MYOM1: variants seen among roughly 807,000 people sequenced by gnomAD.
The protein encoded by MYOM1 is myomesin-1.
A neutral mutation model predicts 205.3 loss-of-function variants in MYOM1; 164 were observed. That is an observed-to-expected ratio of 0.80 (90% CI 0.70 to 0.91). MYOM1 has a LOEUF of 0.91. Among genes scored for constraint, MYOM1 ranks in the 40% least tolerant of loss-of-function variants. The pLI is 0.00. For missense variants in MYOM1, 2,011 were observed against 2,127.3 expected (o/e 0.95, Z 1.08); for synonymous variants, 772 against 789.4 (o/e 0.98, Z 0.37).
chr18:3,157,477 A>G (rs1372587592), intron 10 of MYOM1, among the ~76,000 whole-genome samples: 1 of 151,956 alleles, frequency 6.6e-6, no homozygotes, highest in Non-Finnish European at 1.5e-5. Flanking sequence ...TAGGAATTCA[A>G]GAGCAGCCTG....
At chr18:3,172,137 T>C (rs1342918108) in intron 8 of MYOM1, among the ~76,000 whole-genome samples, 3 of 152,168 alleles carry the variant, frequency 2.0e-5, no homozygotes, top group African/African-American at 7.2e-5. Flanking sequence ...TGTTAACTAT[T>C]AGAAAAAAAG....
Position 3,193,888 on chromosome 18 carries a change from G to C in MYOM1, c.361C>G (p.His121Asp). 1 of 1,613,884 alleles carries C rather than the reference G, an allele frequency of 6.2e-7. No individual in the cohort carries two copies. Among genetic ancestry groups the C allele is most frequent in the Non-Finnish European group, 8.5e-7 (1 of 1,179,824 alleles). Reference sequence around the variant, plus strand: ...TTCTCTTCTCCAGACAGTAGGCTGTGCTTGGCTCTCTTTGGTTTGGGGCTC... The same window carrying C: ...TTCTCTTCTCCAGACAGTAGGCTGTCCTTGGCTCTCTTTGGTTTGGGGCTC... ...KLSPKPKRAK[H>D]SLLSGEEKEN... The change falls in exon 3 of 38, where the codon CAC (histidine) becomes GAC (aspartate). Residue 121 changes from histidine (H) to aspartate (D), a missense_variant. Physicochemically the swap from His to Asp is moderately conservative, Grantham distance 81. Coordinates refer to ENST00000356443, the MANE Select transcript of MYOM1 (RefSeq NM_003803.4).
intron 21 of MYOM1, 128 bp from the exon 22 acceptor site, chr18:3,112,540 G>C (rs1249912900): frequency 1.7e-6 from 1 of 590,604 alleles, no homozygotes; most frequent in Non-Finnish European, 2.8e-6. Flanking sequence ...TACAAGACTT[G>C]TGGTCTAGAT....
At position 3,198,068 on chromosome 18, in the gene MYOM1, A is replaced by C. The variant is rs566186868; in HGVS notation, c.291-4110T>G. On this transcript the variant is annotated intron_variant, in intron 2 of 37. Transcript: ENST00000356443. ...AAATCATCAGTTACAGCTAAAAATAAAGCACAAAAAAAAACTCATTAAACT... is the reference window on the plus strand; with the variant it reads ...AAATCATCAGTTACAGCTAAAAATACAGCACAAAAAAAAACTCATTAAACT... 8.9e-3 allele frequency among the ~76,000 whole-genome samples: 1,268 copies of C among 143,136 alleles called. 25 individuals carry two copies. The highest frequency in any genetic ancestry group is 0.032 in the African/African-American group (1,197 of 37,572). The allele number at this position is 143,136 out of a possible 152,430, so 93.9% of individuals were successfully genotyped here. A position where few individuals can be genotyped will look rare whatever the true frequency, so the allele number is the denominator to read the frequency against.
intron 8 of MYOM1, 106 bp from the exon 9 acceptor site, chr18:3,169,087 C>G (rs374271014): frequency 1.2e-6 from 1 of 815,844 alleles, no homozygotes; most frequent in Non-Finnish European, 1.8e-6. Context: ...AAAAAATGAA[C>G]AAATGAGCAA....
chr18:3,237,630 C>T, the MYOM1 span, among the ~76,000 whole-genome samples: 1 of 139,196 alleles, frequency 7.2e-6, no homozygotes, highest in Non-Finnish European at 1.6e-5. Flanking sequence ...AAAGGAAATA[C>T]ATTCTGACAT....
In MYOM1 at chr18:3,067,327, T is replaced by C. The variant is rs1567886211; in HGVS notation, c.4993A>G (p.Ile1665Val). 1 of 1,611,992 alleles carries C rather than the reference T, an allele frequency of 6.2e-7. No homozygotes were observed. The highest frequency in any genetic ancestry group is 1.1e-5 in the South Asian group (1 of 90,970). Reference sequence around the variant, plus strand: ...GCCATCCTCGCCTCCTCCTCTGGGATGAACACGCTGACGGTGAAGTCGCTG... The same window carrying C: ...GCCATCCTCGCCTCCTCCTCTGGGACGAACACGCTGACGGTGAAGTCGCTG... ...ETSDFTVSVF[I>V]PEEEARMAAL... Residue 1665 changes from isoleucine (I) to valine (V), a missense_variant, in exon 38 of 38, where the codon ATC becomes GTC. By Grantham distance (29) the Ile-to-Val change is conservative (BLOSUM62 3). Transcript: ENST00000356443.
chr18:3,206,166 G>A (rs572700243), intron 2 of MYOM1, among the ~76,000 whole-genome samples: 1 of 152,166 alleles, frequency 6.6e-6, no homozygotes, highest in Non-Finnish European at 1.5e-5. Flanking sequence ...GACATCCCAG[G>A]ATGAAAAGCT....
intron 1 of MYOM1, among the ~76,000 whole-genome samples, chr18:3,217,936 A>G (rs937413315): frequency 1.3e-5 from 2 of 152,236 alleles, no homozygotes; most frequent in Non-Finnish European, 2.9e-5. Context: ...AAGCAAAGGT[A>G]TAGTCTCAAA....
chr18:3,229,756 G>C, the MYOM1 span, among the ~76,000 whole-genome samples: 1 of 152,078 alleles, frequency 6.6e-6, no homozygotes, highest in Non-Finnish European at 1.5e-5. Flanking sequence ...GATCACCTGA[G>C]GTCGAGAGTT....
intron 25 of MYOM1, among the ~76,000 whole-genome samples, chr18:3,099,902 T>G (rs767841806): frequency 3.9e-5 from 6 of 152,236 alleles, no homozygotes; most frequent in African/African-American, 4.8e-5. Context: ...ATGTTACACC[T>G]GTGTAGCCTG....
intron 10 of MYOM1, among the ~76,000 whole-genome samples, chr18:3,162,914 T>C (rs1355463410): frequency 6.6e-6 from 1 of 151,880 alleles, no homozygotes; most frequent in Non-Finnish European, 1.5e-5. Flanking sequence ...TAGTCCCAGC[T>C]ACTCGGGAGG....
At chr18:3,138,898 G>C (rs1335062470) in intron 14 of MYOM1, among the ~76,000 whole-genome samples, 1 of 152,100 alleles carries the variant, frequency 6.6e-6, no homozygotes, top group East Asian at 1.9e-4. Context: ...AGACTGCTGG[G>C]GTTCAAATCT....
At chr18:3,194,520 G>A (rs2080966808) in intron 2 of MYOM1, among the ~76,000 whole-genome samples, 1 of 152,152 alleles carries the variant, frequency 6.6e-6, no homozygotes, top group Non-Finnish European at 1.5e-5. Flanking sequence ...TGGTGCACAC[G>A]GGTGCGATAA....
At chr18:3,101,086 A>AG (rs2079369208) in intron 23 of MYOM1, among the ~76,000 whole-genome samples, 1 of 152,212 alleles carries the variant, frequency 6.6e-6, no homozygotes, top group Admixed American at 6.5e-5. Context: ...ATAAACTGGG[A>AG]GAAAAAATTA....
intron 8 of MYOM1, among the ~76,000 whole-genome samples, chr18:3,170,570 C>T (rs1366690757): frequency 1.3e-5 from 2 of 152,078 alleles, no homozygotes; most frequent in African/African-American, 4.8e-5. Context: ...AAATATTATT[C>T]TCAGAAATAT....
intron 10 of MYOM1, among the ~76,000 whole-genome samples, chr18:3,155,621 C>G (rs1298962014): frequency 6.6e-6 from 1 of 152,172 alleles, no homozygotes; most frequent in Non-Finnish European, 1.5e-5. Flanking sequence ...TGAAAAGAAC[C>G]CATGACCTTT....
At chr18:3,237,465 G>A in the MYOM1 span, among the ~76,000 whole-genome samples, 1 of 151,860 alleles carries the variant, frequency 6.6e-6, no homozygotes, top group Non-Finnish European at 1.5e-5. Context: ...CGGGCGTGGT[G>A]GCGGGCACCT....
intron 2 of MYOM1, among the ~76,000 whole-genome samples, chr18:3,210,563 A>G (rs2081179349): frequency 6.6e-6 from 1 of 152,222 alleles, no homozygotes; most frequent in Non-Finnish European, 1.5e-5. Flanking sequence ...CAGGCTTGGC[A>G]TTCATGGACA....
Sources: gnomAD v4.1 joint callset for allele counts (sites outside exome capture counted in the v4.1 genomes callset) on GRCh38, gnomAD v4.1.1 for gene constraint, MANE v1.5 for transcripts, NCBI Gene and HGNC (gene_info 2026-07-23, HGNC 2026-07-21) for gene names.